The following FAM168A variants were observed in gnomAD, a reference collection of about 807,000 sequenced individuals.
FAM168A encodes family with sequence similarity 168 member A.
Under a neutral mutation model 28.5 loss-of-function variants are expected in FAM168A, and 3 were observed. The observed-to-expected ratio is 0.11, with a 90% CI of 0.05 to 0.27. FAM168A has a LOEUF of 0.27. FAM168A is among the 10% of genes least tolerant of loss of function. The pLI is 1.00. For synonymous variants in FAM168A, 122 were observed against 124.2 expected (o/e 0.98, Z 0.12); for missense variants, 222 against 311.5 (o/e 0.71, Z 2.16).
At chr11:73,530,274 G>T (rs1470496258) in intron 1 of FAM168A, among the ~76,000 whole-genome samples, 1 of 152,148 alleles carries the variant, frequency 6.6e-6, no homozygotes, top group Non-Finnish European at 1.5e-5. Flanking sequence ...ATTCTTCATT[G>T]CCTTGCTCTG....
intron 2 of FAM168A, among the ~76,000 whole-genome samples, chr11:73,457,169 C>T (rs1035945776): frequency 1.3e-5 from 2 of 151,922 alleles, no homozygotes; most frequent in Non-Finnish European, 2.9e-5. Flanking sequence ...GAAATGATTG[C>T]CCAAAGCCAG....
chr11:73,433,254 G>T (rs900494706), intron 2 of FAM168A, among the ~76,000 whole-genome samples: 2 of 151,230 alleles, frequency 1.3e-5, no homozygotes, highest in Non-Finnish European at 2.9e-5. Context: ...CTGTTACACT[G>T]CAGAAGTTCT....
intron 1 of FAM168A, among the ~76,000 whole-genome samples, chr11:73,480,748 T>A (rs536395473): frequency 2.6e-5 from 4 of 152,214 alleles, no homozygotes; most frequent in African/African-American, 9.6e-5. Context: ...AAACAGAAGT[T>A]AAGTGATTTG....
At chr11:73,564,553 A>G in intron 1 of FAM168A, among the ~76,000 whole-genome samples, 1 of 152,018 alleles carries the variant, frequency 6.6e-6, no homozygotes, top group Non-Finnish European at 1.5e-5. Context: ...CCTGGCTAAC[A>G]CAGTGAAACC....
intron 2 of FAM168A, among the ~76,000 whole-genome samples, chr11:73,436,089 T>C (rs987043103): frequency 6.6e-6 from 1 of 151,198 alleles, no homozygotes; most frequent in Non-Finnish European, 1.5e-5. Flanking sequence ...AGAGAATAAA[T>C]GGACACAAGT....
intron 1 of FAM168A, among the ~76,000 whole-genome samples, chr11:73,488,962 C>G (rs973448652): frequency 6.6e-6 from 1 of 152,070 alleles, no homozygotes; most frequent in African/African-American, 2.4e-5. Context: ...GATCTCAGCT[C>G]ACTGCAACCT....
chr11:73,466,050 T>G (rs1051552268), intron 2 of FAM168A, among the ~76,000 whole-genome samples: 1 of 152,108 alleles, frequency 6.6e-6, no homozygotes, highest in Admixed American at 6.5e-5. Flanking sequence ...AAAACTATAT[T>G]TTATTTCCCA....
At chr11:73,519,744 C>A (rs78539709) in intron 1 of FAM168A, among the ~76,000 whole-genome samples, 5 of 151,686 alleles carry the variant, frequency 3.3e-5, no homozygotes, top group African/African-American at 1.2e-4. Flanking sequence ...ACACAGAGAA[C>A]AAGGGAGAGA....
At chr11:73,528,259 T>C (rs961346998) in intron 1 of FAM168A, among the ~76,000 whole-genome samples, 1 of 152,174 alleles carries the variant, frequency 6.6e-6, no homozygotes, top group African/African-American at 2.4e-5. Flanking sequence ...TGAGACTTGC[T>C]AGGCTGCATT....
At chr11:73,497,012 A>G (rs538808527) in intron 1 of FAM168A, among the ~76,000 whole-genome samples, 27 of 152,328 alleles carry the variant, frequency 1.8e-4, no homozygotes, top group Admixed American at 1.4e-3. Flanking sequence ...GTATTTTTGA[A>G]AAATGGCCGA....
chr11:73,504,451 A>T (rs1855068694), intron 1 of FAM168A, among the ~76,000 whole-genome samples: 1 of 152,236 alleles, frequency 6.6e-6, no homozygotes, highest in East Asian at 1.9e-4. Context: ...AACCACAATG[A>T]GATACCACCT....
chr11:73,486,491 A>G (rs118171740), intron 1 of FAM168A, among the ~76,000 whole-genome samples: 3,251 of 152,336 alleles, frequency 0.021, 45 homozygotes, highest in Non-Finnish European at 0.033. Flanking sequence ...TTCATTTAGC[A>G]TAACTTCTTC....
chr11:73,492,976 G>A (rs191520671), intron 1 of FAM168A, among the ~76,000 whole-genome samples: 4 of 152,128 alleles, frequency 2.6e-5, no homozygotes, highest in Admixed American at 2.0e-4. Context: ...ACTAAACATT[G>A]GGTAAGCATG....
chr11:73,410,384 G>A (rs920555804), intron 5 of FAM168A: 1 of 151,864 alleles, frequency 6.6e-6, no homozygotes, highest in Non-Finnish European at 1.5e-5. Context: ...CTCCAGCCTG[G>A]GTGACAGAGC....
At chr11:73,556,498 C>T (rs1042800936) in intron 1 of FAM168A, among the ~76,000 whole-genome samples, 1 of 151,608 alleles carries the variant, frequency 6.6e-6, no homozygotes, top group African/African-American at 2.4e-5. Flanking sequence ...TCATCAAAAT[C>T]ACAGAGACAG....
intron 1 of FAM168A, among the ~76,000 whole-genome samples, chr11:73,594,820 C>T (rs952328564): frequency 1.3e-5 from 2 of 152,124 alleles, no homozygotes; most frequent in Non-Finnish European, 2.9e-5. Flanking sequence ...TGAGCCACCA[C>T]GCCTGGCCAT....
At chr11:73,539,972 G>A (rs1045857552) in intron 1 of FAM168A, among the ~76,000 whole-genome samples, 2 of 152,206 alleles carry the variant, frequency 1.3e-5, no homozygotes, top group South Asian at 2.1e-4. Flanking sequence ...AAAGATGACA[G>A]AATTGCACAT....
intron 1 of FAM168A, among the ~76,000 whole-genome samples, chr11:73,478,271 C>T (rs183654439): frequency 1.1e-3 from 170 of 152,188 alleles, no homozygotes; most frequent in Admixed American, 0.011. Flanking sequence ...TGTTAAATAT[C>T]GACAATATCA....
chr11:73,559,211 C>T (rs1354534293), intron 1 of FAM168A, among the ~76,000 whole-genome samples: 1 of 152,150 alleles, frequency 6.6e-6, no homozygotes, highest in Non-Finnish European at 1.5e-5. Flanking sequence ...AGTTCGAGAC[C>T]GGCCTGGCCA....
Sources: allele counts gnomAD v4.1 joint callset (sites outside exome capture counted in the v4.1 genomes callset), GRCh38; gene constraint gnomAD v4.1.1; transcripts MANE v1.5; gene names NCBI Gene and HGNC (gene_info 2026-07-23, HGNC 2026-07-21).